The following INPP5D variants were observed in gnomAD, a reference collection of about 807,000 sequenced individuals.
INPP5D encodes the protein phosphatidylinositol 3,4,5-trisphosphate 5-phosphatase 1.
A neutral mutation model predicts 122.9 loss-of-function variants in INPP5D; 33 were observed. The observed-to-expected ratio is 0.27, with a 90% CI of 0.20 to 0.36. The LOEUF is 0.36. Among genes scored for constraint, INPP5D ranks in the 10% least tolerant of loss-of-function variants. INPP5D has a pLI of 1.00. For missense variants in INPP5D, 1,053 were observed against 1,412.7 expected (o/e 0.75, Z 4.08); for synonymous variants, 584 against 576.2 (o/e 1.01, Z -0.19).
At chr2:233,155,231 G>C (rs1319849491) in intron 9 of INPP5D, among the ~76,000 whole-genome samples, 2 of 152,150 alleles carry the variant, frequency 1.3e-5, no homozygotes, top group African/African-American at 4.8e-5. Context: ...AGAACCCAAT[G>C]GAAGAGTGGA....
At chr2:233,067,641 C>T (rs1180941407) in intron 1 of INPP5D, among the ~76,000 whole-genome samples, 1 of 152,222 alleles carries the variant, frequency 6.6e-6, no homozygotes, top group Non-Finnish European at 1.5e-5. Flanking sequence ...CACCATTTTG[C>T]ATTCCTACTA....
chr2:233,193,786 C>G, intron 22 of INPP5D, 26 bp from the exon 23 acceptor site: 1 of 1,613,712 alleles, frequency 6.2e-7, no homozygotes, highest in Non-Finnish European at 8.5e-7. Context: ...GGGTCTTCAC[C>G]CAGCTGTCTC....
Position 233,204,460 on chromosome 2 carries a change from G to A in INPP5D, c.3310G>A (p.Gly1104Arg), listed in dbSNP as rs774207841. Residue 1104 changes from glycine to arginine, a missense_variant, in exon 26 of 27, where the codon GGG becomes AGG. Transcript: ENST00000445964. Reference protein sequence around the residue: ...GRAAGGDKSQGKPKTPVSSQA... With the variant: ...GRAAGGDKSQRKPKTPVSSQA... ...GGCGGCCGGCGGGGACAAGAGCCAA[G>A]GGAAGCCCAAGACCCCGGTCAGCTC... 6.9e-6 allele frequency: 11 copies of A among 1,596,222 alleles called. 1 individual carries two copies. The South Asian group carries it at 1.0e-4, about 15-fold the overall frequency.
In INPP5D at chr2:233,169,418, C is replaced by A. The variant is rs778349633; in HGVS notation, c.1652+17C>A. The stretch of plus-strand genomic sequence containing the variant: ...GAAACTCAGGTAATGGAACTCCTTC[C>A]CCCCAAGAGTGTGCATTTGGGCTGT... On this transcript the variant is annotated intron_variant, in intron 14 of 26. Coordinates refer to ENST00000445964, the MANE Select transcript of INPP5D (RefSeq NM_001017915.3). 1.3e-6 allele frequency: 2 copies of A among 1,573,362 alleles called. No homozygotes were observed. Among genetic ancestry groups the A allele is most frequent in the East Asian group, 2.3e-5 (1 of 43,180 alleles).
At chr2:233,184,846 A>T (rs903876632) in intron 20 of INPP5D, among the ~76,000 whole-genome samples, 1 of 151,878 alleles carries the variant, frequency 6.6e-6, no homozygotes, top group Non-Finnish European at 1.5e-5. Flanking sequence ...TGGGGCTCTG[A>T]CTCAACCAGA....
chr2:233,065,430 T>C (rs541525632), intron 1 of INPP5D, among the ~76,000 whole-genome samples: 2,426 of 145,476 alleles, frequency 0.017, 70 homozygotes, highest in African/African-American at 0.059. Flanking sequence ...ACTTCAGCCC[T>C]CCAAGCAGCT....
chr2:233,151,692 T>A (rs1693930057), intron 9 of INPP5D, among the ~76,000 whole-genome samples: 1 of 152,206 alleles, frequency 6.6e-6, no homozygotes, highest in Non-Finnish European at 1.5e-5. Flanking sequence ...AATGTGGGCT[T>A]CACAAAGGCT....
intron 25 of INPP5D, among the ~76,000 whole-genome samples, chr2:233,202,282 A>T (rs79298319): frequency 0.062 from 9,448 of 152,162 alleles, 958 homozygotes; most frequent in African/African-American, 0.22. Context: ...TGGCTAACTC[A>T]CAGCAACGGC....
chr2:233,111,380 A>G (rs1484673689), intron 2 of INPP5D, among the ~76,000 whole-genome samples: 5 of 152,236 alleles, frequency 3.3e-5, no homozygotes, highest in Non-Finnish European at 4.4e-5. Context: ...ACACACACAT[A>G]TAATTTCCCC....
At chr2:233,073,372 G>A (rs142863812) in intron 1 of INPP5D, among the ~76,000 whole-genome samples, 4 of 152,084 alleles carry the variant, frequency 2.6e-5, no homozygotes, top group Non-Finnish European at 5.9e-5. Context: ...GGACACAGTG[G>A]CTCACGCCTG....
chr2:233,158,113 G>C (rs997578556), intron 9 of INPP5D, among the ~76,000 whole-genome samples, 200 bp from the exon 10 acceptor site: 1 of 152,076 alleles, frequency 6.6e-6, no homozygotes, highest in African/African-American at 2.4e-5. Context: ...ACTCTTGCTT[G>C]TTCCAGACAT....
In INPP5D at chr2:233,100,981, C is replaced by A. The variant is rs977960233; in HGVS notation, c.199-21126C>A. Among the ~76,000 whole-genome samples, 1 of 132,312 alleles carries A rather than the reference C, an allele frequency of 7.6e-6. No homozygotes were observed. The highest frequency in any genetic ancestry group is 2.7e-4 in the East Asian group (1 of 3,712). The allele number at this position is 132,312 out of a possible 152,430, so 86.8% of individuals were successfully genotyped here. A position where few individuals can be genotyped will look rare whatever the true frequency, so the allele number is the denominator to read the frequency against. On this transcript the variant is annotated intron_variant, in intron 2 of 26. Transcript: ENST00000445964. The surrounding 1 kb of genome is among the most constrained non-coding windows in gnomAD (Gnocchi z 5.3). ...GAACGGTAATCCCCTCCGTGTGCCC[C>A]CAACGAGTCATTCACCATCTTGTGC...
chr2:233,184,064 C>A (rs188095384), intron 19 of INPP5D, among the ~76,000 whole-genome samples: 2 of 152,252 alleles, frequency 1.3e-5, no homozygotes, highest in Admixed American at 6.5e-5. Context: ...GCAACCGAGC[C>A]ATTGTACAAA....
At chr2:233,200,896 G>A (rs1695312589) in intron 25 of INPP5D, among the ~76,000 whole-genome samples, 2 of 152,030 alleles carry the variant, frequency 1.3e-5, no homozygotes, top group Admixed American at 1.3e-4. Context: ...GGGAGGCGGA[G>A]GTTGCAGTGA....
intron 13 of INPP5D, among the ~76,000 whole-genome samples, chr2:233,165,811 C>T (rs766045479): frequency 4.6e-5 from 7 of 151,126 alleles, no homozygotes; most frequent in East Asian, 1.9e-4. Flanking sequence ...GGTGGGTGTC[C>T]GAGTGCATGT....
intron 22 of INPP5D, 98 bp downstream of exon 22, chr2:233,190,035 G>A: frequency 6.6e-7 from 1 of 1,519,174 alleles, no homozygotes; most frequent in Non-Finnish European, 8.8e-7. Context: ...TCCGGTCATA[G>A]GCTCCTGCCT....
chr2:233,194,008 G>GGT (rs1471641057), intron 23 of INPP5D, 47 bp downstream of exon 23: 1 of 1,522,922 alleles, frequency 6.6e-7, no homozygotes, highest in East Asian at 2.3e-5. Flanking sequence ...CCCCCACTTA[G>GGT]GGACGGGAAC....
Position 233,146,407 on chromosome 2 carries a change from G to C in INPP5D, c.875G>C (p.Arg292Pro). 2.8e-6 allele frequency: 2 copies of C among 704,292 alleles called. No individual in the cohort carries two copies. Among genetic ancestry groups the C allele is most frequent in the Non-Finnish European group, 5.2e-6 (2 of 385,008 alleles). The allele number at this position is 704,292 out of a possible 1,614,324, so 43.6% of individuals were successfully genotyped here. ...LLHEGPESPH[R>P]PSLIPPVTFE... is the part of the protein sequence containing the mutation. ...CACGAGGGTCCTGAGTCTCCGCACC[G>C]GCCCTCCCTTATCCCTCCAGTCACC... The change falls in exon 8 of 27, where the codon CGG (arginine) becomes CCG (proline). Residue 292 changes from arginine (R) to proline (P), a missense_variant. By Grantham distance (103) the Arg-to-Pro change is moderately radical. Around this residue, in one of 6 missense-constraint regions of INPP5D, gnomAD observed 196 missense variants for 175.6 expected, o/e 1.12. Coordinates refer to ENST00000445964, the MANE Select transcript of INPP5D (RefSeq NM_001017915.3).
At chr2:233,202,691 C>T (rs549482919) in intron 25 of INPP5D, among the ~76,000 whole-genome samples, 1 of 152,356 alleles carries the variant, frequency 6.6e-6, no homozygotes, top group South Asian at 2.1e-4. Flanking sequence ...CTGTAGAAAG[C>T]AGAACCCAGA....
Sources: allele counts gnomAD v4.1 joint callset (sites outside exome capture counted in the v4.1 genomes callset), GRCh38; gene constraint gnomAD v4.1.1; regional missense constraint gnomAD v4.1.1; non-coding constraint Gnocchi (gnomAD v3.1); transcripts MANE v1.5; gene names NCBI Gene and HGNC (gene_info 2026-07-23, HGNC 2026-07-21).